Variants in A2ML1 observed in about 807,000 individuals in gnomAD.
A2ML1 encodes the protein alpha-2-macroglobulin like 1.
A neutral mutation model predicts 181.9 loss-of-function variants in A2ML1; 161 were observed. The observed-to-expected ratio is 0.89, with a 90% confidence interval of 0.78 to 1.01. The LOEUF (loss-of-function observed/expected upper bound fraction) is 1.01, where lower values mean the gene tolerates loss of function less well. Among genes scored for constraint, A2ML1 ranks in the 50% least tolerant of loss-of-function variants. The pLI, the probability that A2ML1 is intolerant of heterozygous loss-of-function variation, is 0.00. For synonymous variants in A2ML1, 663 were observed against 666.8 expected, an observed-to-expected ratio of 0.99 and a Z score of 0.09; for missense variants, 1,670 against 1,768.1, an observed-to-expected ratio of 0.94 and a Z score of 1.00.
intron 4 of A2ML1, among the ~76,000 whole-genome samples, chr12:8,833,099 A>G (rs4883185): frequency 0.85 from 128,752 of 151,670 alleles, 54,809 homozygotes; most frequent in East Asian, 1. Context: ...TCAGCCTCCC[A>G]AGTAGTTGGG....
In A2ML1 at chr12:8,835,594, G is replaced by T; in HGVS notation, c.571G>T (p.Ala191Ser). The change falls in exon 6 of 36, where the codon GCA (alanine) becomes TCA (serine). Residue 191 changes from alanine to serine, a missense_variant. Ala to Ser is a moderately conservative substitution (Grantham distance 99). Coordinates refer to ENST00000299698, the MANE Select transcript of A2ML1 (RefSeq NM_144670.6). ...CCTGTCCTTCCAACTGGCACCAGAG[G>T]CAATGCTGGGCACCTACACTGTGGC... ...VDLSFQLAPE[A>S]MLGTYTVAVA... The T allele has an allele frequency of 6.2e-7, 1 of 1,614,204 alleles. No individual in the cohort carries two copies. Among genetic ancestry groups the T allele is most frequent in the Non-Finnish European group, 8.5e-7 (1 of 1,180,032 alleles).
At chr12:8,857,452 T>A in intron 24 of A2ML1, 55 bp from the exon 25 acceptor site, 1 of 1,608,532 alleles carries the variant, frequency 6.2e-7, no homozygotes. Flanking sequence ...TTGAACGGCA[T>A]GGGGGTGTTT....
chr12:8,867,372 G>A (rs1281491809), intron 29 of A2ML1, among the ~76,000 whole-genome samples: 1 of 152,192 alleles, frequency 6.6e-6, no homozygotes, highest in Non-Finnish European at 1.5e-5. Context: ...TACTGGCTGG[G>A]TATGGTGGCT....
chr12:8,843,341 G>C lies in A2ML1; in HGVS notation c.1456G>C (p.Glu486Gln). The C allele has an allele frequency of 6.2e-7, 1 of 1,614,124 alleles. No individual in the cohort carries two copies. The highest frequency in any genetic ancestry group is 8.5e-7 in the Non-Finnish European group (1 of 1,179,976). The change falls in exon 12 of 36, where the codon GAG (glutamate) becomes CAG (glutamine). Residue 486 changes from glutamate (E) to glutamine (Q), a missense_variant. Physicochemically the swap from Glu to Gln is conservative, Grantham distance 29. Transcript: ENST00000299698. ...IDPADASPDQEISFSYYLIGK... is the reference protein window; with the variant it reads ...IDPADASPDQQISFSYYLIGK... ...CCCGGCCGATGCAAGCCCTGACCAA[G>C]AGATCAGCTTCTCCTACTATGTGAG...
intron 10 of A2ML1, among the ~76,000 whole-genome samples, chr12:8,841,021 A>AGGAAGGACGGAC (rs1555109423): frequency 0.15 from 18,969 of 122,602 alleles, 1,827 homozygotes; most frequent in East Asian, 0.36. Flanking sequence ...GACGGAAGGA[A>AGGAAGGACGGAC]GGAAGGAAGG....
At chr12:8,842,117 GAGCCAGCTAGCCC>G (rs1943498825) in intron 11 of A2ML1, among the ~76,000 whole-genome samples, 1 of 152,226 alleles carries the variant, frequency 6.6e-6, no homozygotes, top group Non-Finnish European at 1.5e-5. Context: ...TCTCATGCAG[GAGCCAGCTAGCCC>G]AGGTATATTC....
intron 12 of A2ML1, 152 bp from the exon 13 acceptor site, chr12:8,845,290 A>G: frequency 2.1e-6 from 3 of 1,427,512 alleles, no homozygotes; most frequent in Non-Finnish European, 2.9e-6. Flanking sequence ...TGCATTTGTC[A>G]AGCTAGTGGA....
At chr12:8,881,315 G>A (rs1196139376), downstream of A2ML1, among the ~76,000 whole-genome samples, 1 of 152,222 alleles carries the variant, frequency 6.6e-6, no homozygotes, top group Non-Finnish European at 1.5e-5. Context: ...CAAAGGACAA[G>A]TTGTGGAAAC....
chr12:8,828,014 C>G (rs1023605918), intron 3 of A2ML1, among the ~76,000 whole-genome samples: 5 of 152,210 alleles, frequency 3.3e-5, no homozygotes, highest in African/African-American at 1.2e-4. Flanking sequence ...CACAAGCACC[C>G]CTGTGGCCAC....
At chr12:8,884,335 G>A (rs372830045) in intron 7 of A2ML1, among the ~76,000 whole-genome samples, 9 of 149,044 alleles carry the variant, frequency 6.0e-5, no homozygotes, top group East Asian at 3.9e-4. Flanking sequence ...AACACGTGTC[G>A]CGGGGGTTGG....
At chr12:8,851,648 T>C in intron 18 of A2ML1, 136 bp from the exon 19 acceptor site, 1 of 770,378 alleles carries the variant, frequency 1.3e-6, no homozygotes, top group Non-Finnish European at 2.1e-6. Flanking sequence ...TGAAGCTATC[T>C]GCTCACCTCA....
chr12:8,848,147 AC>A (rs956743533), intron 15 of A2ML1, among the ~76,000 whole-genome samples: 3 of 151,246 alleles, frequency 2.0e-5, no homozygotes, highest in East Asian at 1.9e-4. Context: ...AAAAAAAAAA[AC>A]AAAAACAAAA....
chr12:8,843,111 C>A lies in A2ML1; in HGVS notation c.1249-23C>A, dbSNP rs772559996. On this transcript the variant is annotated intron_variant, in intron 11 of 35. Transcript: ENST00000299698. ...CATGGTTGGAGCACATGCTAAAATTCTCTCTCTCTCTTTTATTCTCAGGGA... is the reference window on the plus strand; with the variant it reads ...CATGGTTGGAGCACATGCTAAAATTATCTCTCTCTCTTTTATTCTCAGGGA... 14 of 1,546,132 alleles carry A rather than the reference C, an allele frequency of 9.1e-6. No individual in the cohort carries two copies. In the African/African-American group the frequency reaches 1.8e-4, roughly 20 times the overall value.
chr12:8,836,221 G>C, intron 6 of A2ML1, 34 bp from the exon 7 acceptor site: 2 of 1,587,966 alleles, frequency 1.3e-6, no homozygotes, highest in South Asian at 2.2e-5. Context: ...TCCTCCTCCA[G>C]TGCTTTCTCC....
At chr12:8,826,749 G>A (rs1245831890) in intron 3 of A2ML1, among the ~76,000 whole-genome samples, 4 of 152,126 alleles carry the variant, frequency 2.6e-5, no homozygotes, top group Admixed American at 1.3e-4. Context: ...CTCCCGAGTA[G>A]CTGGGTTTAC....
At chr12:8,865,496 G>A (rs921314565) in intron 29 of A2ML1, among the ~76,000 whole-genome samples, 2 of 152,154 alleles carry the variant, frequency 1.3e-5, no homozygotes, top group Admixed American at 6.5e-5. Context: ...CCGAGATGGC[G>A]CCATTGCACT....
chr12:8,834,629 C>A (rs1943214148), intron 4 of A2ML1, 33 bp from the exon 5 acceptor site: 2 of 1,613,308 alleles, frequency 1.2e-6, no homozygotes, highest in African/African-American at 1.3e-5. Context: ...TGTCAACCTT[C>A]TTTAACCCGC....
At chr12:8,857,660 C>T in intron 25 of A2ML1, 72 bp downstream of exon 25, 3 of 1,485,042 alleles carry the variant, frequency 2.0e-6, no homozygotes, top group Non-Finnish European at 2.8e-6. Context: ...AACTATTCCA[C>T]TACCTCTCCC....
At position 8,845,450 on chromosome 12, in the gene A2ML1, G is replaced by T. The variant is rs1290636765; in HGVS notation, c.1485G>T (p.Gly495=). 1 of 1,614,162 alleles carries T rather than the reference G, an allele frequency of 6.2e-7. No individual in the cohort carries two copies. Among genetic ancestry groups the T allele is most frequent in the Non-Finnish European group, 8.5e-7 (1 of 1,180,022 alleles). ...TTTCTTTTCTTCTTTAGTTAATAGG[G>T]AAAGGAAGTTTGGTGATGGAGGGGC... is the stretch of plus-strand genomic sequence containing the variant. ...QEISFSYYLI[G]KGSLVMEGQK... is the part of the protein sequence containing the mutation. The change falls in exon 13 of 36, where the codon GGG becomes GGT. Residue 495 remains glycine, a synonymous_variant. Coordinates refer to ENST00000299698, the MANE Select transcript of A2ML1 (RefSeq NM_144670.6).
Sources: allele counts gnomAD v4.1 joint callset (sites outside exome capture counted in the v4.1 genomes callset), GRCh38; gene constraint gnomAD v4.1.1; transcripts MANE v1.5; gene names NCBI Gene and HGNC (gene_info 2026-07-23, HGNC 2026-07-21).